Variants in JPH2 observed in about 807,000 individuals in gnomAD.
JPH2 encodes the protein junctophilin 2.
In JPH2, 38 loss-of-function variants were observed where a neutral mutation model predicts 55.9. That is an observed-to-expected ratio of 0.68 (90% CI 0.52 to 0.89). The LOEUF is 0.89. JPH2 is among the 40% of genes least tolerant of loss of function. The probability of loss-of-function intolerance (pLI) is 0.00; values close to 1 mark genes in which losing one functional copy is unlikely to be tolerated. For missense variants in JPH2, 964 were observed against 1,037.6 expected (o/e 0.93, Z 0.97); for synonymous variants, 480 against 472.4 (o/e 1.02, Z -0.21).
intron 2 of JPH2, among the ~76,000 whole-genome samples, chr20:44,135,353 C>T (rs2072402889): frequency 6.6e-6 from 1 of 152,188 alleles, no homozygotes; most frequent in Non-Finnish European, 1.5e-5. Context: ...CAGACAGAAA[C>T]TTCCAGTTCC....
chr20:44,119,612 G>A (rs772764110), intron 2 of JPH2, among the ~76,000 whole-genome samples: 8 of 152,038 alleles, frequency 5.3e-5, no homozygotes, highest in Non-Finnish European at 7.4e-5. Flanking sequence ...GGTGGCTCAC[G>A]CCTGTAATCC....
At chr20:44,116,627 C>G (rs1317860155) in intron 3 of JPH2, among the ~76,000 whole-genome samples, 1 of 152,246 alleles carries the variant, frequency 6.6e-6, no homozygotes. Context: ...GGTTAAATCA[C>G]TTGCCCAAAG....
intron 2 of JPH2, among the ~76,000 whole-genome samples, chr20:44,126,924 C>T (rs1395299150): frequency 6.6e-6 from 1 of 152,208 alleles, no homozygotes; most frequent in Non-Finnish European, 1.5e-5. Context: ...GGGGGATAAT[C>T]TCACAAAATT....
rs768632520 is a variant in JPH2, at chr20:44,111,479, C to T, written c.*2039G>A. ...GCTCTTGATTCTATTGTCATCTACT[C>T]ATAGAAGTTTCTGGAAGTTTGCTTT... On this transcript the variant is annotated 3_prime_UTR_variant, in exon 6 of 6. Transcript: ENST00000372980. 1.3e-5 allele frequency among the ~76,000 whole-genome samples: 2 copies of T among 152,160 alleles called. No individual in the cohort carries two copies. The highest frequency in any genetic ancestry group is 2.9e-5 in the Non-Finnish European group (2 of 68,040).
Position 44,159,966 on chromosome 20 carries a change from T to G in JPH2, c.821A>C (p.Asp274Ala), listed in dbSNP as rs2072596552. 6.3e-7 allele frequency: 1 copy of G among 1,593,114 alleles called. No individual in the cohort carries two copies. Among genetic ancestry groups the G allele is most frequent in the African/African-American group, 1.3e-5 (1 of 74,464 alleles). The stretch of plus-strand genomic sequence containing the variant: ...ATCGGCCTCGAAGGGTGCGGCCTCG[T>G]CGGCGCCCTCGGCGGCCTCTCCCAG... ...ASLGEAAEGA[D>A]EAAPFEADID... Residue 274 changes from aspartate (D) to alanine (A), a missense_variant, in exon 2 of 6, where the codon GAC becomes GCC. By Grantham distance (126) the Asp-to-Ala change is moderately radical. Coordinates refer to ENST00000372980, the MANE Select transcript of JPH2 (RefSeq NM_020433.5). This position sits in a 1 kb window ranked among gnomAD's most constrained non-coding sequence, Gnocchi z 5.7.
At chr20:44,114,565 AGTGTGTGTGTGTGTGTGTGTGT>A (rs3037626) in intron 5 of JPH2, among the ~76,000 whole-genome samples, 195 bp downstream of exon 5, 10 of 142,004 alleles carry the variant, frequency 7.0e-5, no homozygotes, top group East Asian at 4.3e-4. Flanking sequence ...TAATGAAGTA[AGTGTGTGTGTGTGTGTGTGTGT>A]GTGTGTGTGT....
In JPH2 at chr20:44,186,475, C is replaced by T; in HGVS notation, c.231G>A (p.Lys77=). The T allele has an allele frequency of 1.2e-6, 2 of 1,614,172 alleles. No homozygotes were observed. Among genetic ancestry groups the T allele is most frequent in the Non-Finnish European group, 1.7e-6 (2 of 1,180,024 alleles). ...GKRHGLGIET[K]GRWLYKGEWT... ...ACTCGCCCTTGTAGAGCCAGCGCCC[C>T]TTGGTCTCTATGCCCAGCCCATGCC... is the stretch of plus-strand genomic sequence containing the variant. The change falls in exon 1 of 6, where the codon AAG becomes AAA. Residue 77 remains lysine (K), a synonymous_variant. Coordinates refer to ENST00000372980, the MANE Select transcript of JPH2 (RefSeq NM_020433.5).
At chr20:44,150,307 A>C (rs1353188180) in intron 2 of JPH2, among the ~76,000 whole-genome samples, 1 of 152,248 alleles carries the variant, frequency 6.6e-6, no homozygotes, top group Non-Finnish European at 1.5e-5. Context: ...AAAAAGAATA[A>C]AACATTTAGA....
chr20:44,156,089 A>G (rs2072564812), intron 2 of JPH2, among the ~76,000 whole-genome samples: 1 of 152,138 alleles, frequency 6.6e-6, no homozygotes, highest in Non-Finnish European at 1.5e-5. Flanking sequence ...ATCAGAAACT[A>G]TCACAGACCA....
intron 1 of JPH2, among the ~76,000 whole-genome samples, chr20:44,166,567 A>G (rs1464560885): frequency 6.6e-6 from 1 of 152,190 alleles, no homozygotes; most frequent in Non-Finnish European, 1.5e-5. Flanking sequence ...GCTCTTGGCC[A>G]CCAGTTGGGA....
At chr20:44,136,604 C>G (rs372615254) in intron 2 of JPH2, among the ~76,000 whole-genome samples, 2 of 152,064 alleles carry the variant, frequency 1.3e-5, no homozygotes, top group Non-Finnish European at 2.9e-5. Flanking sequence ...TTATATAACC[C>G]GTCAAATCCA....
chr20:44,146,574 G>T (rs2072495669), intron 2 of JPH2, among the ~76,000 whole-genome samples: 1 of 152,148 alleles, frequency 6.6e-6, no homozygotes, highest in African/African-American at 2.4e-5. Flanking sequence ...CGGGGTCGGG[G>T]GCCTTTCCAA....
chr20:44,177,617 C>T, intron 1 of JPH2: 1 of 1,180,366 alleles, frequency 8.5e-7, no homozygotes. Context: ...TGGCTGTGAA[C>T]TGGGACATGA....
chr20:44,121,890 G>A (rs1405580008), intron 2 of JPH2, among the ~76,000 whole-genome samples: 1 of 152,126 alleles, frequency 6.6e-6, no homozygotes, highest in Non-Finnish European at 1.5e-5. Context: ...CTACTCAGGA[G>A]GCTGAGGTCA....
At chr20:44,119,354 T>A (rs1162575697) in intron 2 of JPH2, among the ~76,000 whole-genome samples, 1 of 152,230 alleles carries the variant, frequency 6.6e-6, no homozygotes, top group Admixed American at 6.5e-5. Flanking sequence ...TATTATGGTT[T>A]ATTGCCTATT....
At position 44,159,850 on chromosome 20, in the gene JPH2, G is replaced by A. The variant is rs2072593795; in HGVS notation, c.937C>T (p.Arg313Cys). 2 of 1,613,516 alleles carry A rather than the reference G, an allele frequency of 1.2e-6. No individual in the cohort carries two copies. Among genetic ancestry groups the A allele is most frequent in the Non-Finnish European group, 1.7e-6 (2 of 1,179,878 alleles). ...FGVSERSSGL[R>C]YEGEWLDNLR... ...TTGTCCAGCCACTCGCCCTCGTAGC[G>A]GAGGCCACTGGAGCGTTCGCTCACG... The change falls in exon 2 of 6, where the codon CGC (arginine) becomes TGC (cysteine). Residue 313 changes from arginine (R) to cysteine (C), a missense_variant. Arg to Cys is a radical substitution (Grantham distance 180, BLOSUM62 -3). Transcript: ENST00000372980. The surrounding 1 kb of genome is among the most constrained non-coding windows in gnomAD (Gnocchi z 5.7).
At chr20:44,148,365 G>A (rs2072506989) in intron 2 of JPH2, among the ~76,000 whole-genome samples, 1 of 152,100 alleles carries the variant, frequency 6.6e-6, no homozygotes, top group African/African-American at 2.4e-5. Flanking sequence ...GGTGGGACTG[G>A]AAATGGATGC....
At chr20:44,166,553 AG>A (rs983702351) in intron 1 of JPH2, among the ~76,000 whole-genome samples, 5 of 152,176 alleles carry the variant, frequency 3.3e-5, no homozygotes, top group African/African-American at 1.2e-4. Context: ...GCAACAGGAG[AG>A]CAGCTCTTGG....
intron 2 of JPH2, among the ~76,000 whole-genome samples, chr20:44,149,756 T>A (rs1456610812): frequency 6.6e-6 from 1 of 152,074 alleles, no homozygotes; most frequent in East Asian, 1.9e-4. Flanking sequence ...AAGCAGTGGG[T>A]CACTCGAGGT....
Sources: gnomAD v4.1 joint callset for allele counts (sites outside exome capture counted in the v4.1 genomes callset) on GRCh38, gnomAD v4.1.1 for gene constraint, Gnocchi (gnomAD v3.1) non-coding constraint, MANE v1.5 for transcripts, NCBI Gene and HGNC (gene_info 2026-07-23, HGNC 2026-07-21) for gene names.